Variants in ENPP1 observed in about 807,000 individuals in gnomAD.
ENPP1 encodes ectonucleotide pyrophosphatase/phosphodiesterase family member 1.
ENPP1 carries 73 observed loss-of-function variants against 122.8 expected under a neutral mutation model. The ratio of observed to expected loss-of-function variants is 0.59; its 90% CI spans 0.49 to 0.72. The LOEUF (loss-of-function observed/expected upper bound fraction) is 0.72. Among genes scored for constraint, ENPP1 ranks in the 30% least tolerant of loss-of-function variants. ENPP1 has a pLI of 0.00. For missense variants in ENPP1, 978 were observed against 1,128.1 expected (o/e 0.87, Z 1.91); for synonymous variants, 367 against 391.6 (o/e 0.94, Z 0.74).
chr6:131,814,306 A>G (rs1781390638), intron 1 of ENPP1, among the ~76,000 whole-genome samples: 1 of 152,190 alleles, frequency 6.6e-6, no homozygotes, highest in South Asian at 2.1e-4. Flanking sequence ...GACTTCCAAA[A>G]ATGGAGAATG....
At chr6:131,871,965 T>G in intron 13 of ENPP1, 105 bp from the exon 14 acceptor site, 2 of 875,886 alleles carry the variant, frequency 2.3e-6, no homozygotes, top group Non-Finnish European at 3.8e-6. Flanking sequence ...AAAACCTGCC[T>G]TGGTATTTAA....
At chr6:131,848,392 T>C (rs1014825165) in intron 2 of ENPP1, among the ~76,000 whole-genome samples, 3 of 152,190 alleles carry the variant, frequency 2.0e-5, no homozygotes, top group Admixed American at 6.5e-5. Flanking sequence ...TAGTGGTTAT[T>C]ATCTTGTCTT....
chr6:131,839,456 T>C (rs1038554307), intron 1 of ENPP1, among the ~76,000 whole-genome samples: 3 of 152,008 alleles, frequency 2.0e-5, no homozygotes, highest in African/African-American at 7.2e-5. Flanking sequence ...TTTATTGAAG[T>C]TTGCTTAAGG....
intron 1 of ENPP1, among the ~76,000 whole-genome samples, chr6:131,841,066 A>G (rs1781733618): frequency 6.6e-6 from 1 of 152,222 alleles, no homozygotes; most frequent in Non-Finnish European, 1.5e-5. Context: ...AACTAAAATG[A>G]TACTGAGTGC....
At position 131,868,081 on chromosome 6, in the gene ENPP1, C is replaced by T; in HGVS notation, c.1228C>T (p.Leu410=). Residue 410 remains leucine (L), a synonymous_variant, in exon 12 of 25, where the codon CTG becomes TTG. Transcript: ENST00000647893. ...TATGCTGATGGATGGTCTGAAAGAG[C>T]TGAACTTGCACAGATGCCTGAACCT... is the stretch of plus-strand genomic sequence containing the variant. ...VGMLMDGLKE[L]NLHRCLNLIL... is the part of the protein sequence containing the mutation. 6.2e-7 allele frequency: 1 copy of T among 1,613,686 alleles called. No individual in the cohort carries two copies. The highest frequency in any genetic ancestry group is 8.5e-7 in the Non-Finnish European group (1 of 1,179,714).
At chr6:131,869,692 C>T (rs1035872083) in intron 13 of ENPP1, among the ~76,000 whole-genome samples, 1 of 151,526 alleles carries the variant, frequency 6.6e-6, no homozygotes, top group Admixed American at 6.6e-5. Context: ...TATATCTATA[C>T]TAAAAATACA....
At chr6:131,837,819 G>A (rs183257340) in intron 1 of ENPP1, among the ~76,000 whole-genome samples, 15 of 152,200 alleles carry the variant, frequency 9.9e-5, no homozygotes, top group Admixed American at 7.2e-4. Context: ...GCATCACATA[G>A]GCAGGCATTA....
At chr6:131,857,180 G>A (rs1781958158) in intron 6 of ENPP1, among the ~76,000 whole-genome samples, 6 of 150,902 alleles carry the variant, frequency 4.0e-5, no homozygotes, top group Admixed American at 2.0e-4. Flanking sequence ...GGAGAAATAG[G>A]AACACTTTTA....
Position 131,886,713 on chromosome 6 carries a change from G to A in ENPP1, c.2596G>A (p.Glu866Lys), listed in dbSNP as rs746849474. 21 of 1,613,106 alleles carry A rather than the reference G, an allele frequency of 1.3e-5. No homozygotes were observed. The highest frequency in any genetic ancestry group is 8.0e-5 in the African/African-American group (6 of 74,904). ...TTTGCCTCACAGGACTGATAACAGCGAGAGCTGTGTGGTAAGTAGCTTTTG... is the reference window on the plus strand; with the variant it reads ...TTTGCCTCACAGGACTGATAACAGCAAGAGCTGTGTGGTAAGTAGCTTTTG... ...FILPHRTDNS[E>K]SCVHGKHDSS... is the part of the protein sequence containing the mutation. The change falls in exon 24 of 25, where the codon GAG becomes AAG. Residue 866 changes from glutamate (E) to lysine (K), a missense_variant. Glu to Lys is a moderately conservative substitution (Grantham distance 56). Transcript: ENST00000647893.
chr6:131,884,644 G>A (rs921129659), intron 22 of ENPP1, among the ~76,000 whole-genome samples: 21 of 152,090 alleles, frequency 1.4e-4, no homozygotes, highest in African/African-American at 5.1e-4. Context: ...GCATGGTGAT[G>A]TGCACCTGTA....
chr6:131,851,314 C>G, intron 4 of ENPP1, 47 bp downstream of exon 4: 1 of 1,613,062 alleles, frequency 6.2e-7, no homozygotes, highest in Non-Finnish European at 8.5e-7. Flanking sequence ...CTTCCAGCGT[C>G]TTAGCGGGGC....
In ENPP1 at chr6:131,854,936, C is replaced by A; in HGVS notation, c.628C>A (p.Pro210Thr). 1.2e-6 allele frequency: 2 copies of A among 1,612,922 alleles called. No individual in the cohort carries two copies. Among genetic ancestry groups the A allele is most frequent in the Non-Finnish European group, 1.7e-6 (2 of 1,179,098 alleles). The change falls in exon 6 of 25, where the codon CCT becomes ACT. Residue 210 changes from proline to threonine, a missense_variant. Physicochemically the swap from Pro to Thr is conservative, Grantham distance 38 (BLOSUM62 -1). Coordinates refer to ENST00000647893, the MANE Select transcript of ENPP1 (RefSeq NM_006208.3). ...TTTTTCATTACCCAGGTTTGAAACG[C>A]CTCCTACCCTCTTATTTTCTTTGGA... ...EPQCPAGFET[P>T]PTLLFSLDGF...
intron 1 of ENPP1, among the ~76,000 whole-genome samples, chr6:131,845,852 C>A (rs1360493452): frequency 6.6e-6 from 1 of 152,118 alleles, no homozygotes; most frequent in Admixed American, 6.6e-5. Context: ...CCTTGTTCTG[C>A]TTATTTGCCC....
intron 16 of ENPP1, among the ~76,000 whole-genome samples, chr6:131,874,975 C>G (rs752967639): frequency 1.3e-5 from 2 of 152,070 alleles, no homozygotes; most frequent in Non-Finnish European, 1.5e-5. Flanking sequence ...AGCTAAAAAT[C>G]ACATGTTCAC....
At chr6:131,813,937 T>C (rs1485885811) in intron 1 of ENPP1, among the ~76,000 whole-genome samples, 1 of 152,194 alleles carries the variant, frequency 6.6e-6, no homozygotes. Context: ...TCCATTCTTA[T>C]TTCAAAAGGA....
chr6:131,827,190 T>C, intron 1 of ENPP1: 1 of 781,890 alleles, frequency 1.3e-6, no homozygotes, highest in Non-Finnish European at 2.3e-6. Context: ...GCTAATGTTT[T>C]TCAGTTTCTC....
At chr6:131,827,039 TGA>T in intron 1 of ENPP1, 1 of 565,168 alleles carries the variant, frequency 1.8e-6, no homozygotes. Context: ...TGACCAGCTG[TGA>T]GACGGCAGAC....
intron 14 of ENPP1, 87 bp downstream of exon 14, chr6:131,872,188 A>C: frequency 1.1e-6 from 1 of 910,222 alleles, no homozygotes; most frequent in East Asian, 2.5e-5. Flanking sequence ...TATTATTGGG[A>C]TTGAAGGATT....
At chr6:131,851,090 G>T in intron 3 of ENPP1, 52 bp from the exon 4 acceptor site, 1 of 1,601,312 alleles carries the variant, frequency 6.2e-7, no homozygotes, top group South Asian at 1.1e-5. Context: ...TGTTCACTTT[G>T]GACATGTTGA....
Sources: allele counts gnomAD v4.1 joint callset (sites outside exome capture counted in the v4.1 genomes callset), GRCh38; gene constraint gnomAD v4.1.1; transcripts MANE v1.5; gene names NCBI Gene and HGNC (gene_info 2026-07-23, HGNC 2026-07-21).